RAB38: variants seen among roughly 807,000 people sequenced by gnomAD.
RAB38 encodes ras-related protein Rab-38.
RAB38 carries 15 observed loss-of-function variants against 18.4 expected under a neutral mutation model. The observed-to-expected ratio is 0.82, with a 90% CI of 0.55 to 1.26. The LOEUF (loss-of-function observed/expected upper bound fraction) is 1.26. Ranked by LOEUF, RAB38 falls within the 50% of genes most tolerant of loss-of-function variation. RAB38 has a pLI of 0.00. For missense variants in RAB38, 294 were observed against 267.4 expected, an observed-to-expected ratio of 1.10 and a Z score of -0.69; for synonymous variants, 101 against 104.4, an observed-to-expected ratio of 0.97 and a Z score of 0.20.
the RAB38 span, among the ~76,000 whole-genome samples, chr11:87,821,867 GATA>G: frequency 6.6e-6 from 1 of 150,648 alleles, no homozygotes; most frequent in African/African-American, 2.4e-5. Context: ...AAAAAAAAAG[GATA>G]ATACAGTATT....
the RAB38 span, among the ~76,000 whole-genome samples, chr11:88,049,087 C>T: frequency 6.6e-6 from 1 of 152,166 alleles, no homozygotes; most frequent in South Asian, 2.1e-4. Context: ...CTCTAGGTTC[C>T]CACGCCGCCC....
At chr11:88,102,338 T>A in the RAB38 span, among the ~76,000 whole-genome samples, 2,287 of 152,188 alleles carry the variant, frequency 0.015, 55 homozygotes, top group African/African-American at 0.053. Context: ...AACCCTTCTA[T>A]CTTTTTACTC....
the RAB38 span, among the ~76,000 whole-genome samples, chr11:87,873,119 A>G: frequency 1.3e-5 from 2 of 151,688 alleles, no homozygotes; most frequent in African/African-American, 4.8e-5. Context: ...ACCTGGTGTC[A>G]ATGTTTTCAA....
chr11:88,153,929 T>C (rs566779515), intron 1 of RAB38, among the ~76,000 whole-genome samples: 4 of 152,112 alleles, frequency 2.6e-5, no homozygotes, highest in African/African-American at 9.6e-5. Flanking sequence ...AGAAGGAAAA[T>C]GGGAATCCAC....
At chr11:88,146,155 A>C (rs1233835514) in intron 2 of RAB38, among the ~76,000 whole-genome samples, 5 of 152,168 alleles carry the variant, frequency 3.3e-5, no homozygotes, top group Non-Finnish European at 5.9e-5. Flanking sequence ...GAAAACTCTC[A>C]TGGAAAGTTA....
chr11:88,026,625 G>T, the RAB38 span, among the ~76,000 whole-genome samples: 2 of 140,904 alleles, frequency 1.4e-5, no homozygotes, highest in Non-Finnish European at 3.1e-5. Flanking sequence ...TGATCCGCCC[G>T]CCTCAGCCTC....
intron 1 of RAB38, among the ~76,000 whole-genome samples, chr11:88,152,584 A>G (rs1442297780): frequency 1.3e-5 from 2 of 152,154 alleles, no homozygotes; most frequent in East Asian, 3.9e-4. Context: ...TTCCAGCAAG[A>G]GGTCACACTT....
chr11:87,829,549 G>A, the RAB38 span, among the ~76,000 whole-genome samples: 1 of 152,066 alleles, frequency 6.6e-6, no homozygotes, highest in Admixed American at 6.6e-5. Flanking sequence ...AAAACCATCG[G>A]ATCTTGTGAG....
the RAB38 span, among the ~76,000 whole-genome samples, chr11:88,043,020 A>C: frequency 4.3e-5 from 6 of 138,048 alleles, no homozygotes; most frequent in African/African-American, 1.7e-4. Flanking sequence ...CCACACACAC[A>C]CAGAGCAATA....
chr11:88,017,740 T>C, the RAB38 span, among the ~76,000 whole-genome samples: 1 of 146,386 alleles, frequency 6.8e-6, no homozygotes, highest in South Asian at 2.1e-4. Flanking sequence ...ATATATATAA[T>C]ATATATTTTA....
At chr11:87,874,620 C>T in the RAB38 span, among the ~76,000 whole-genome samples, 1 of 150,292 alleles carries the variant, frequency 6.7e-6, no homozygotes, top group Non-Finnish European at 1.5e-5. Flanking sequence ...GCACGTTGTG[C>T]ACATGTACCC....
At chr11:87,871,896 T>C in the RAB38 span, among the ~76,000 whole-genome samples, 2 of 151,616 alleles carry the variant, frequency 1.3e-5, no homozygotes, top group Admixed American at 6.6e-5. Flanking sequence ...TATTAACCAT[T>C]CTATTACTGA....
chr11:88,075,437 C>G, the RAB38 span, among the ~76,000 whole-genome samples: 1 of 152,060 alleles, frequency 6.6e-6, no homozygotes, highest in East Asian at 1.9e-4. Context: ...ACAACATGCT[C>G]CTGAATGATC....
the RAB38 span, among the ~76,000 whole-genome samples, chr11:87,808,017 C>T: frequency 2.0e-5 from 3 of 152,188 alleles, no homozygotes; most frequent in South Asian, 4.1e-4. Context: ...TGCAGAGTCT[C>T]AGCTACAGAG....
At chr11:87,886,341 A>G in the RAB38 span, among the ~76,000 whole-genome samples, 1 of 151,764 alleles carries the variant, frequency 6.6e-6, no homozygotes, top group Non-Finnish European at 1.5e-5. Flanking sequence ...GTGTGCATGC[A>G]CATGTGCAGG....
At chr11:88,155,066 C>G (rs302659) in intron 1 of RAB38, among the ~76,000 whole-genome samples, 131,048 of 152,190 alleles carry the variant, frequency 0.86, 56,746 homozygotes, top group Middle Eastern at 0.93. Context: ...CATGCAGTTG[C>G]GGCTGAAGAG....
the RAB38 span, among the ~76,000 whole-genome samples, chr11:87,845,494 A>G: frequency 1.3e-5 from 2 of 152,160 alleles, no homozygotes; most frequent in Admixed American, 1.3e-4. Flanking sequence ...TGGATATGAT[A>G]GTGAAAATAA....
chr11:87,939,861 C>A, the RAB38 span, among the ~76,000 whole-genome samples: 2 of 152,086 alleles, frequency 1.3e-5, no homozygotes, highest in African/African-American at 2.4e-5. Flanking sequence ...CACTATACCC[C>A]AGCTACACCT....
chr11:88,153,019 G>T (rs560619424), intron 1 of RAB38, among the ~76,000 whole-genome samples: 1 of 152,228 alleles, frequency 6.6e-6, no homozygotes, highest in Non-Finnish European at 1.5e-5. Context: ...GCTATGAAGG[G>T]TGTTAAATAG....
Sources: allele counts gnomAD v4.1 joint callset (sites outside exome capture counted in the v4.1 genomes callset), GRCh38; gene constraint gnomAD v4.1.1; transcripts MANE v1.5; gene names NCBI Gene and HGNC (gene_info 2026-07-23, HGNC 2026-07-21).